The following CCSER1 variants were observed in gnomAD, a reference collection of about 807,000 sequenced individuals.
The protein encoded by CCSER1 is coiled-coil serine rich protein 1, also known as serine-rich coiled-coil domain-containing protein 1.
Under a neutral mutation model 82.0 loss-of-function variants are expected in CCSER1, and 41 were observed. The observed-to-expected ratio is 0.50, with a 90% confidence interval of 0.39 to 0.65. CCSER1 has a LOEUF of 0.65. Ranked by LOEUF, CCSER1 falls within the 30% of genes least tolerant of loss-of-function variation. CCSER1 has a pLI of 0.00. For missense variants in CCSER1, 1,119 were observed against 1,064.2 expected (o/e 1.05, Z -0.72); for synonymous variants, 414 against 383.9 (o/e 1.08, Z -0.92).
intron 6 of CCSER1, among the ~76,000 whole-genome samples, chr4:90,707,741 A>C (rs1327851324): frequency 6.6e-6 from 1 of 152,022 alleles, no homozygotes; most frequent in Non-Finnish European, 1.5e-5. Context: ...AATCCAGCCC[A>C]CACTCAAGGA....
intron 7 of CCSER1, among the ~76,000 whole-genome samples, chr4:90,776,910 T>C (rs971375317): frequency 4.6e-5 from 7 of 152,152 alleles, no homozygotes; most frequent in Admixed American, 1.3e-4. Flanking sequence ...CTTAGTTAAC[T>C]TCATCCTCTC....
chr4:90,691,563 T>C (rs1274014191), intron 6 of CCSER1, among the ~76,000 whole-genome samples: 2 of 151,678 alleles, frequency 1.3e-5, no homozygotes, highest in South Asian at 2.1e-4. Flanking sequence ...CACATGTGTG[T>C]ATATCACATG....
At chr4:90,668,340 TG>T (rs1732177825) in intron 6 of CCSER1, among the ~76,000 whole-genome samples, 1 of 152,078 alleles carries the variant, frequency 6.6e-6, no homozygotes, top group South Asian at 2.1e-4. Context: ...CATCCTTCAA[TG>T]GGGAATTAAC....
At chr4:91,228,472 T>C (rs1037165128) in intron 10 of CCSER1, among the ~76,000 whole-genome samples, 3 of 151,898 alleles carry the variant, frequency 2.0e-5, no homozygotes, top group African/African-American at 7.2e-5. Context: ...GTTACATATA[T>C]CAATCTGAAA....
chr4:90,565,389 A>G (rs1201087779), intron 5 of CCSER1, among the ~76,000 whole-genome samples: 1 of 152,122 alleles, frequency 6.6e-6, no homozygotes, highest in African/African-American at 2.4e-5. Context: ...CTTTTTTATT[A>G]TTAATAGTTC....
At chr4:90,202,823 A>G (rs1289215332) in intron 1 of CCSER1, among the ~76,000 whole-genome samples, 2 of 152,214 alleles carry the variant, frequency 1.3e-5, no homozygotes, top group Admixed American at 6.5e-5. Context: ...ATTTATAGAA[A>G]TGCATTTTTC....
intron 9 of CCSER1, among the ~76,000 whole-genome samples, chr4:90,977,750 C>T (rs1284803842): frequency 6.6e-6 from 1 of 151,674 alleles, no homozygotes; most frequent in East Asian, 1.9e-4. Flanking sequence ...CCCACTCCCA[C>T]TCATTTCATT....
chr4:91,557,762 T>C (rs986086104), intron 10 of CCSER1, among the ~76,000 whole-genome samples: 13 of 151,446 alleles, frequency 8.6e-5, no homozygotes, highest in African/African-American at 3.1e-4. Flanking sequence ...TTGCAAGTAA[T>C]ATGGTGAAAA....
chr4:90,229,121 G>A (rs893109696), intron 1 of CCSER1, among the ~76,000 whole-genome samples: 3 of 152,052 alleles, frequency 2.0e-5, no homozygotes, highest in Non-Finnish European at 2.9e-5. Flanking sequence ...TACAGAGAAC[G>A]CCACAAAGCT....
chr4:90,591,856 A>G (rs767197301), intron 5 of CCSER1, among the ~76,000 whole-genome samples: 1 of 152,154 alleles, frequency 6.6e-6, no homozygotes, highest in Non-Finnish European at 1.5e-5. Context: ...ACGCTGCCAT[A>G]AAAAAGAATG....
chr4:91,599,152 A>G lies in CCSER1; in HGVS notation c.*95A>G. On this transcript the variant is annotated 3_prime_UTR_variant, in exon 11 of 11. Coordinates refer to ENST00000509176, the MANE Select transcript of CCSER1 (RefSeq NM_001145065.2). ...AAAATTGTCATGTACTTTTTCTTAC[A>G]TTTTAGTTATAAACAGAGTTGTGTT... is the stretch of plus-strand genomic sequence containing the variant. 7.3e-7 allele frequency: 1 copy of G among 1,361,744 alleles called. No individual in the cohort carries two copies. The highest frequency in any genetic ancestry group is 9.7e-7 in the Non-Finnish European group (1 of 1,029,096). 84.4% of individuals were successfully genotyped at this position (1,361,744 alleles called of 1,614,324 possible).
intron 3 of CCSER1, among the ~76,000 whole-genome samples, chr4:90,341,663 T>A (rs1741402932): frequency 1.0e-5 from 1 of 99,500 alleles, no homozygotes; most frequent in South Asian, 3.9e-4. Flanking sequence ...GGATAAAAGC[T>A]TTAACTTGTC....
intron 1 of CCSER1, among the ~76,000 whole-genome samples, chr4:90,165,577 A>G (rs905346995): frequency 2.6e-5 from 4 of 152,092 alleles, no homozygotes; most frequent in African/African-American, 2.4e-5. Flanking sequence ...AGATACAACA[A>G]TAAATAAGAA....
rs1212594457 is a variant in CCSER1, at chr4:91,479,731, TTTATTA to T, written c.2218-118831_2218-118826del. On this transcript the variant is annotated intron_variant, in intron 10 of 10. Coordinates refer to ENST00000509176, the MANE Select transcript of CCSER1 (RefSeq NM_001145065.2). ...TTTTTCTTTCTTTTTTATTTATTTATTTATTATTATTATTAATTTTTTTATTATACT... is the reference window on the plus strand; with the variant it reads ...TTTTTCTTTCTTTTTTATTTATTTATTTATTATTAATTTTTTTATTATACT... Among the ~76,000 whole-genome samples the T allele has an allele frequency of 2.3e-4, 34 of 149,244 alleles. No homozygotes were observed. The South Asian group carries it at 6.9e-3, about 30-fold the overall frequency.
rs1349233034 is a variant in CCSER1, at chr4:90,180,141, T to TATAA, written c.-42+52311_-42+52312insTAAA. Among the ~76,000 whole-genome samples, 51 of 139,308 alleles carry TATAA rather than the reference T, an allele frequency of 3.7e-4. 1 individual carries two copies. Among genetic ancestry groups the TATAA allele is most frequent in the African/African-American group, 1.2e-3 (46 of 39,010 alleles). The allele number at this position is 139,308 out of a possible 152,430, so 91.4% of individuals were successfully genotyped here. On this transcript the variant is annotated intron_variant, in intron 1 of 10. Transcript: ENST00000509176. ...GTAGTTATATATATATATATATATA[T>TATAA]AAATTATATTTTGCTTTTGTTATGT...
chr4:90,747,170 G>A (rs554521343), intron 7 of CCSER1, among the ~76,000 whole-genome samples: 17 of 152,214 alleles, frequency 1.1e-4, no homozygotes, highest in African/African-American at 3.6e-4. Flanking sequence ...CTATTAGGTT[G>A]GGCATGTATT....
At chr4:90,257,580 C>T (rs1333123339) in intron 1 of CCSER1, among the ~76,000 whole-genome samples, 10 of 150,886 alleles carry the variant, frequency 6.6e-5, no homozygotes, top group Admixed American at 6.6e-4. Flanking sequence ...TACATAGATA[C>T]ATAGATACTT....
chr4:90,785,379 A>G (rs939591697), intron 7 of CCSER1, among the ~76,000 whole-genome samples: 2 of 152,126 alleles, frequency 1.3e-5, no homozygotes, highest in Non-Finnish European at 2.9e-5. Flanking sequence ...TCTTGTTATT[A>G]TGTTATAATC....
chr4:91,406,498 G>A (rs530164990), intron 10 of CCSER1, among the ~76,000 whole-genome samples: 1 of 152,212 alleles, frequency 6.6e-6, no homozygotes, highest in African/African-American at 2.4e-5. Context: ...GTTGCTAAAT[G>A]TTTATTCCTT....
Sources: gnomAD v4.1 joint callset for allele counts (sites outside exome capture counted in the v4.1 genomes callset) on GRCh38, gnomAD v4.1.1 for gene constraint, MANE v1.5 for transcripts, NCBI Gene and HGNC (gene_info 2026-07-23, HGNC 2026-07-21) for gene names.